The following LRRC3B variants were observed in gnomAD, a reference collection of about 807,000 sequenced individuals.
LRRC3B encodes leucine-rich repeat-containing protein 3B.
In LRRC3B, 2 loss-of-function variants were observed where a neutral mutation model predicts 12.8. The observed-to-expected ratio is 0.16, with a 90% CI of 0.06 to 0.49. LRRC3B has a LOEUF of 0.49. Ranked by LOEUF, LRRC3B falls within the 20% of genes least tolerant of loss-of-function variation. The pLI is 0.96. For missense variants in LRRC3B, 189 were observed against 319.4 expected, an observed-to-expected ratio of 0.59 and a Z score of 3.11; for synonymous variants, 132 against 122.0, an observed-to-expected ratio of 1.08 and a Z score of -0.54.
chr3:26,702,385 T>G (rs1700475932), intron 1 of LRRC3B, among the ~76,000 whole-genome samples: 1 of 152,196 alleles, frequency 6.6e-6, no homozygotes, highest in Admixed American at 6.5e-5. Flanking sequence ...GCTGTTGTTA[T>G]TAATGAGCCA....
intron 1 of LRRC3B, among the ~76,000 whole-genome samples, chr3:26,658,266 G>T (rs1419155677): frequency 6.6e-6 from 1 of 152,102 alleles, no homozygotes; most frequent in East Asian, 1.9e-4. Flanking sequence ...CACCATGTTA[G>T]CCAGAATGGT....
intron 1 of LRRC3B, among the ~76,000 whole-genome samples, chr3:26,667,805 C>G (rs1699637925): frequency 1.3e-5 from 2 of 152,152 alleles, no homozygotes; most frequent in Admixed American, 6.5e-5. Context: ...CAGGGTGTCT[C>G]TTGTCAAAGA....
intron 1 of LRRC3B, among the ~76,000 whole-genome samples, chr3:26,643,977 G>A (rs981725037): frequency 5.9e-5 from 9 of 152,168 alleles, no homozygotes; most frequent in Admixed American, 3.3e-4. Context: ...ATTTGACCAC[G>A]CTCTGCTCAG....
intron 1 of LRRC3B, among the ~76,000 whole-genome samples, chr3:26,690,902 C>A (rs978767340): frequency 6.6e-6 from 1 of 151,536 alleles, no homozygotes; most frequent in Non-Finnish European, 1.5e-5. Context: ...AATTACATTG[C>A]CATTGATACT....
intron 1 of LRRC3B, among the ~76,000 whole-genome samples, chr3:26,657,472 C>T (rs1354350156): frequency 2.0e-5 from 3 of 152,206 alleles, no homozygotes; most frequent in Non-Finnish European, 4.4e-5. Flanking sequence ...TGGGATGGAA[C>T]ATGGAACTCT....
At chr3:26,680,946 C>A (rs1699958207) in intron 1 of LRRC3B, among the ~76,000 whole-genome samples, 1 of 151,972 alleles carries the variant, frequency 6.6e-6, no homozygotes, top group South Asian at 2.1e-4. Flanking sequence ...AGCCAAGGAC[C>A]AAAGGTAACA....
intron 1 of LRRC3B, among the ~76,000 whole-genome samples, chr3:26,640,059 C>T (rs1160297830): frequency 2.0e-5 from 3 of 152,122 alleles, no homozygotes; most frequent in Non-Finnish European, 4.4e-5. Flanking sequence ...ACAAGGCAGC[C>T]ATCACTTTTA....
At chr3:26,685,144 G>A (rs1037004782) in intron 1 of LRRC3B, among the ~76,000 whole-genome samples, 13 of 151,996 alleles carry the variant, frequency 8.6e-5, no homozygotes, top group Non-Finnish European at 1.2e-4. Flanking sequence ...GTAGAGATGG[G>A]GTTTCAACAA....
chr3:26,660,811 G>A (rs75316170), intron 1 of LRRC3B, among the ~76,000 whole-genome samples: 4,778 of 152,236 alleles, frequency 0.031, 120 homozygotes, highest in South Asian at 0.048. Flanking sequence ...TCATTTCTGA[G>A]CTGCATGATT....
At chr3:26,658,243 A>G (rs1699417021) in intron 1 of LRRC3B, among the ~76,000 whole-genome samples, 1 of 152,026 alleles carries the variant, frequency 6.6e-6, no homozygotes. Context: ...ATTTTTTAGT[A>G]GAGACGGGGT....
At chr3:26,682,976 CAAAA>C (rs1700001309) in intron 1 of LRRC3B, among the ~76,000 whole-genome samples, 1 of 152,200 alleles carries the variant, frequency 6.6e-6, no homozygotes, top group Admixed American at 6.5e-5. Flanking sequence ...GAATGACACA[CAAAA>C]ACAATCCTAT....
chr3:26,689,888 C>T (rs1559368124), intron 1 of LRRC3B, among the ~76,000 whole-genome samples: 2 of 152,178 alleles, frequency 1.3e-5, no homozygotes, highest in Admixed American at 6.5e-5. Context: ...TCCAGTCCTC[C>T]CATCTGTGAC....
intron 1 of LRRC3B, among the ~76,000 whole-genome samples, chr3:26,661,565 A>G (rs1230102034): frequency 4.6e-5 from 7 of 152,162 alleles, no homozygotes; most frequent in Non-Finnish European, 1.0e-4. Flanking sequence ...AGTCTTTATA[A>G]ACATCATTTT....
chr3:26,659,487 A>G (rs1396853292), intron 1 of LRRC3B, among the ~76,000 whole-genome samples: 1 of 152,248 alleles, frequency 6.6e-6, no homozygotes, highest in African/African-American at 2.4e-5. Context: ...ATGAAAGTTT[A>G]TAAGTGATAT....
chr3:26,627,768 A>G (rs1368356302), intron 1 of LRRC3B, among the ~76,000 whole-genome samples: 1 of 152,226 alleles, frequency 6.6e-6, no homozygotes, highest in Non-Finnish European at 1.5e-5. Context: ...TTATGCAAGT[A>G]GGAAAAACTT....
At chr3:26,649,626 A>G (rs1448139852) in intron 1 of LRRC3B, among the ~76,000 whole-genome samples, 1 of 152,182 alleles carries the variant, frequency 6.6e-6, no homozygotes, top group Non-Finnish European at 1.5e-5. Context: ...CCTGTGTCCA[A>G]ATTCACTGCT....
chr3:26,655,436 G>C (rs535790778), intron 1 of LRRC3B, among the ~76,000 whole-genome samples: 8 of 152,284 alleles, frequency 5.3e-5, no homozygotes, highest in Non-Finnish European at 8.8e-5. Flanking sequence ...TAGACTATTA[G>C]TAAAAGCCAA....
intron 1 of LRRC3B, among the ~76,000 whole-genome samples, chr3:26,706,742 G>A (rs1484697278): frequency 6.6e-6 from 1 of 152,206 alleles, no homozygotes; most frequent in Non-Finnish European, 1.5e-5. Flanking sequence ...AAAGAAGCCT[G>A]CTGAGGAAGA....
intron 1 of LRRC3B, among the ~76,000 whole-genome samples, chr3:26,702,511 G>A (rs559755463): frequency 3.3e-5 from 5 of 152,122 alleles, no homozygotes; most frequent in Non-Finnish European, 7.3e-5. Flanking sequence ...TTTGTGGAAC[G>A]AAGTGCCATT....
Sources: gnomAD v4.1 joint callset for allele counts (sites outside exome capture counted in the v4.1 genomes callset) on GRCh38, gnomAD v4.1.1 for gene constraint, MANE v1.5 for transcripts, NCBI Gene and HGNC (gene_info 2026-07-23, HGNC 2026-07-21) for gene names.